Variants in DSG3 observed in about 807,000 individuals in gnomAD.
DSG3 encodes the protein desmoglein 3, also known as desmoglein-3.
Under a neutral mutation model 85.9 loss-of-function variants are expected in DSG3, and 63 were observed. The observed-to-expected ratio is 0.73, with a 90% confidence interval of 0.60 to 0.90. The LOEUF (loss-of-function observed/expected upper bound fraction) is 0.90. DSG3 is among the 40% of genes least tolerant of loss of function. DSG3 has a pLI of 0.00. For synonymous variants in DSG3, 447 were observed against 441.9 expected, an observed-to-expected ratio of 1.01 and a Z score of -0.14; for missense variants, 1,220 against 1,219.9, an observed-to-expected ratio of 1.00 and a Z score of 0.00.
intron 14 of DSG3, among the ~76,000 whole-genome samples, chr18:31,473,376 C>T (rs781001313): frequency 5.9e-5 from 9 of 152,198 alleles, no homozygotes; most frequent in Non-Finnish European, 1.2e-4. Flanking sequence ...TACCAAGTGG[C>T]TATTGCATTA....
At chr18:31,452,112 G>A (rs889017843) in intron 1 of DSG3, among the ~76,000 whole-genome samples, 1 of 152,154 alleles carries the variant, frequency 6.6e-6, no homozygotes, top group African/African-American at 2.4e-5. Context: ...TACTCAAGGA[G>A]CAACCTACAC....
In DSG3 at chr18:31,469,278, G is replaced by T; in HGVS notation, c.1826G>T (p.Gly609Val). 6.2e-7 allele frequency: 1 copy of T among 1,614,060 alleles called. No homozygotes were observed. Among genetic ancestry groups the T allele is most frequent in the Non-Finnish European group, 8.5e-7 (1 of 1,180,002 alleles). The part of the protein sequence containing the change: ...YPTTSPGTRY[G>V]RPHSGRLGPA... ...ACCACAAGCCCTGGGACCAGGTATG[G>T]CAGGCCGCACTCAGGGAGGCTGGGG... Residue 609 changes from glycine (G) to valine (V), a missense_variant, in exon 12 of 16, where the codon GGC (glycine) becomes GTC (valine). Gly to Val is a moderately radical substitution (Grantham distance 109). Transcript: ENST00000257189.
rs964770910 is a variant in DSG3, at chr18:31,477,020, C to T, written c.*760C>T. On this transcript the variant is annotated 3_prime_UTR_variant, in exon 16 of 16. Coordinates refer to ENST00000257189, the MANE Select transcript of DSG3 (RefSeq NM_001944.3). ...GTATTTGCTAAAGCATTTTGAGCTGCTTGGAAAAAGGGAAGTAGTTGCAGT... is the reference window on the plus strand; with the variant it reads ...GTATTTGCTAAAGCATTTTGAGCTGTTTGGAAAAAGGGAAGTAGTTGCAGT... 6.6e-6 allele frequency: 1 copy of T among 150,754 alleles called. No homozygotes were observed. The highest frequency in any genetic ancestry group is 2.4e-5 in the African/African-American group (1 of 41,062). 9.3% of individuals were successfully genotyped at this position (150,754 alleles called of 1,614,324 possible). A position where few individuals can be genotyped will look rare whatever the true frequency, so the allele number is the denominator to read the frequency against.
chr18:31,454,472 G>A (rs2072729678), intron 1 of DSG3, among the ~76,000 whole-genome samples: 1 of 152,126 alleles, frequency 6.6e-6, no homozygotes, highest in South Asian at 2.1e-4. Context: ...TGGAATCAAG[G>A]TTTCAGCTGG....
chr18:31,461,198 G>A (rs1407542199), intron 7 of DSG3, 29 bp from the exon 8 acceptor site: 7 of 1,576,016 alleles, frequency 4.4e-6, no homozygotes, highest in South Asian at 1.2e-5. Context: ...CTGTCATTAG[G>A]TCTTTAATTC....
chr18:31,472,633 T>C (rs1303877885), intron 13 of DSG3, 92 bp from the exon 14 acceptor site: 2 of 1,377,186 alleles, frequency 1.5e-6, no homozygotes, highest in Non-Finnish European at 2.0e-6. Context: ...TGTAATGTTA[T>C]CATTTACAAA....
chr18:31,455,024 A>G (rs1158431516), intron 1 of DSG3, among the ~76,000 whole-genome samples: 8 of 149,520 alleles, frequency 5.4e-5, no homozygotes, highest in African/African-American at 2.0e-4. Flanking sequence ...TCCGTCTCAA[A>G]AAAAAAAAAA....
rs755487489 is a variant in DSG3, at chr18:31,469,191, G to A, written c.1739G>A (p.Arg580His). 20 of 1,614,050 alleles carry A rather than the reference G, an allele frequency of 1.2e-5. No individual in the cohort carries two copies. The highest frequency in any genetic ancestry group is 5.5e-5 in the South Asian group (5 of 91,086). ...CAGAACAATCGGTGTGAGATGCCACGCAGCTTGACACTGGAAGTCTGTCAG... is the reference window on the plus strand; with the variant it reads ...CAGAACAATCGGTGTGAGATGCCACACAGCTTGACACTGGAAGTCTGTCAG... ...DSQNNRCEMP[R>H]SLTLEVCQCD... Residue 580 changes from arginine (R) to histidine (H), a missense_variant, in exon 12 of 16, where the codon CGC becomes CAC. Transcript: ENST00000257189.
chr18:31,464,230 G>A lies in DSG3; in HGVS notation c.1119G>A (p.Gln373=). The A allele has an allele frequency of 1.9e-6, 3 of 1,614,090 alleles. No individual in the cohort carries two copies. The South Asian group carries it at 3.3e-5, about 18-fold the overall frequency. Residue 373 remains glutamine (Q), a synonymous_variant, in exon 9 of 16, where the codon CAG becomes CAA. Transcript: ENST00000257189. The stretch of plus-strand genomic sequence containing the variant: ...TTCAGTCAACCCCAGTCACAATTCA[G>A]GTAATAAATGTAAGAGAAGGAATTG... ...YRVQSTPVTI[Q]VINVREGIAF... is the part of the protein sequence containing the mutation.
chr18:31,464,331 G>C lies in DSG3; in HGVS notation c.1220G>C (p.Gly407Ala). ...AAAAAATTGGTGGATTATATCCTGG[G>C]AACATATCAAGCCATCGATGAGGAC... ...SSKKLVDYIL[G>A]TYQAIDEDTN... Residue 407 changes from glycine (G) to alanine (A), a missense_variant, in exon 9 of 16, where the codon GGA becomes GCA. Transcript: ENST00000257189. The C allele has an allele frequency of 6.2e-7, 1 of 1,614,070 alleles. No homozygotes were observed. Among genetic ancestry groups the C allele is most frequent in the Non-Finnish European group, 8.5e-7 (1 of 1,179,986 alleles).
intron 12 of DSG3, among the ~76,000 whole-genome samples, chr18:31,472,010 A>T (rs1160550295): frequency 6.6e-6 from 1 of 152,228 alleles, no homozygotes; most frequent in East Asian, 1.9e-4. Flanking sequence ...AGCCACTTTC[A>T]TTCATACATC....
chr18:31,447,996 A>G (rs2144255449), intron 1 of DSG3, 71 bp downstream of exon 1: 2 of 1,179,042 alleles, frequency 1.7e-6, no homozygotes, highest in East Asian at 2.8e-5. Flanking sequence ...ATTATATTTG[A>G]TTGCACAATC....
rs765125354 is a variant in DSG3 at position 31,459,909 on chromosome 18, T to C, written c.582T>C (p.Ile194=). The C allele has an allele frequency of 3.1e-6, 5 of 1,614,106 alleles. No individual in the cohort carries two copies. The highest frequency in any genetic ancestry group is 4.2e-6 in the Non-Finnish European group (5 of 1,179,994). Reference sequence around the variant, plus strand: ...AACCAAACCACTTGAATTCTAAAATTGCCTTCAAAATTGTCTCTCAGGAAC... The same window carrying C: ...AACCAAACCACTTGAATTCTAAAATCGCCTTCAAAATTGTCTCTCAGGAAC... The part of the protein sequence containing the change: ...ADEPNHLNSK[I]AFKIVSQEPA... Residue 194 remains isoleucine, a synonymous_variant, in exon 6 of 16, where the codon ATT becomes ATC. Transcript: ENST00000257189.
chr18:31,465,386 T>A lies in DSG3; in HGVS notation c.1340T>A (p.Val447Asp). Residue 447 changes from valine (V) to aspartate (D), a missense_variant, in exon 10 of 16, where the codon GTC becomes GAC. Transcript: ENST00000257189. ...IDSKTAEIKF[V>D]KNMNRDSTFI... ...TCAAAAACTGCTGAAATCAAATTTG[T>A]CAAAAATATGAACCGAGATTCTACT... 1 of 1,549,722 alleles carries A rather than the reference T, an allele frequency of 6.5e-7. No homozygotes were observed. The highest frequency in any genetic ancestry group is 8.7e-7 in the Non-Finnish European group (1 of 1,148,274).
chr18:31,452,433 C>A (rs554170151), intron 1 of DSG3, among the ~76,000 whole-genome samples: 2 of 145,376 alleles, frequency 1.4e-5, no homozygotes, highest in Admixed American at 1.4e-4. Flanking sequence ...GAAGGAGAAT[C>A]GCTTGAACCC....
At position 31,447,825 on chromosome 18, in the gene DSG3, CA is replaced by C; in HGVS notation, c.-52del. Reference sequence around the variant, plus strand: ...TTAGACATCAACTGCAGACGGCTGGCAGGATAGAAGCAGCGGCTCACTTGGA... The same window carrying C: ...TTAGACATCAACTGCAGACGGCTGGCGGATAGAAGCAGCGGCTCACTTGGA... On this transcript the variant is annotated 5_prime_UTR_variant, in exon 1 of 16. Coordinates refer to ENST00000257189, the MANE Select transcript of DSG3 (RefSeq NM_001944.3). The C allele has an allele frequency of 6.7e-7, 1 of 1,487,666 alleles. No homozygotes were observed. Among genetic ancestry groups the C allele is most frequent in the Non-Finnish European group, 9.1e-7 (1 of 1,097,014 alleles). 92.2% of individuals were successfully genotyped at this position (1,487,666 alleles called of 1,614,324 possible).
intron 11 of DSG3, among the ~76,000 whole-genome samples, chr18:31,467,565 T>C (rs552195629): frequency 6.6e-6 from 1 of 152,282 alleles, no homozygotes; most frequent in South Asian, 2.1e-4. Flanking sequence ...AGGGAGGAGC[T>C]AATTCATCCT....
At chr18:31,450,201 T>A (rs1380645008) in intron 1 of DSG3, among the ~76,000 whole-genome samples, 1 of 152,196 alleles carries the variant, frequency 6.6e-6, no homozygotes, top group African/African-American at 2.4e-5. Flanking sequence ...CAAGTCTTTA[T>A]GGATTCAGTG....
intron 1 of DSG3, among the ~76,000 whole-genome samples, chr18:31,456,011 G>A (rs185357990): frequency 6.6e-6 from 1 of 152,154 alleles, no homozygotes; most frequent in Admixed American, 6.6e-5. Context: ...CAGTTGGGTG[G>A]CTGAAGGTTT....
Sources: allele counts gnomAD v4.1 joint callset (sites outside exome capture counted in the v4.1 genomes callset), GRCh38; gene constraint gnomAD v4.1.1; transcripts MANE v1.5; gene names NCBI Gene and HGNC (gene_info 2026-07-23, HGNC 2026-07-21).